The following MAGI1 variants were observed in gnomAD, a reference collection of about 807,000 sequenced individuals.
MAGI1 encodes the protein membrane associated guanylate kinase, WW and PDZ domain containing 1.
In MAGI1, 58 loss-of-function variants were observed where a neutral mutation model predicts 139.9. The observed-to-expected ratio is 0.41, with a 90% CI of 0.34 to 0.52. The LOEUF is 0.52. Ranked by LOEUF, MAGI1 falls within the 20% of genes least tolerant of loss-of-function variation. MAGI1 has a pLI of 0.12. For missense variants in MAGI1, 1,874 were observed against 1,901.6 expected (o/e 0.99, Z 0.27); for synonymous variants, 812 against 737.9 (o/e 1.10, Z -1.63).
chr3:65,676,650 T>C (rs574474539), intron 1 of MAGI1, among the ~76,000 whole-genome samples: 1 of 152,232 alleles, frequency 6.6e-6, no homozygotes, highest in Non-Finnish European at 1.5e-5. Flanking sequence ...GCAGAGTTCC[T>C]GGCTAATCCG....
intron 5 of MAGI1, among the ~76,000 whole-genome samples, chr3:65,468,084 A>G (rs1251827634): frequency 1.3e-5 from 2 of 152,206 alleles, no homozygotes; most frequent in Admixed American, 6.5e-5. Context: ...CTTTTTATAT[A>G]TATGTATAGA....
In MAGI1 at chr3:65,365,067, C is replaced by G. The variant is rs779999095; in HGVS notation, c.3197-121G>C. The G allele has an allele frequency of 8.4e-6, 7 of 829,262 alleles. No homozygotes were observed. In the South Asian group the frequency reaches 9.4e-5, roughly 11 times the overall value. 51.4% of individuals were successfully genotyped at this position (829,262 alleles called of 1,614,324 possible). The stretch of plus-strand genomic sequence containing the variant: ...GTGACTTCTCTGTCCCCATTTCAAG[C>G]AGTCTGACTTGAATTTCTAGACAAT... On this transcript the variant is annotated intron_variant, in intron 18 of 22. Coordinates refer to ENST00000402939, the MANE Select transcript of MAGI1 (RefSeq NM_001033057.2).
chr3:65,929,121 C>A (rs2062669943), intron 1 of MAGI1, among the ~76,000 whole-genome samples: 1 of 150,848 alleles, frequency 6.6e-6, no homozygotes, highest in South Asian at 2.1e-4. Context: ...GCCGGTGCAC[C>A]CCAGCCTGAG....
At chr3:65,367,330 G>T (rs1941527536) in intron 18 of MAGI1, among the ~76,000 whole-genome samples, 2 of 152,140 alleles carry the variant, frequency 1.3e-5, no homozygotes, top group South Asian at 4.1e-4. Flanking sequence ...AATTTGATGA[G>T]ATAATCACCC....
At chr3:65,556,902 C>T (rs553218522) in intron 2 of MAGI1, among the ~76,000 whole-genome samples, 1 of 152,306 alleles carries the variant, frequency 6.6e-6, no homozygotes, top group East Asian at 1.9e-4. Context: ...TGATTCCAGA[C>T]TTGTTCTGCT....
intron 1 of MAGI1, among the ~76,000 whole-genome samples, chr3:65,818,907 C>T (rs1412070069): frequency 1.3e-5 from 2 of 152,106 alleles, no homozygotes; most frequent in East Asian, 1.9e-4. Context: ...AGATCAATAA[C>T]GTTGATTGAA....
chr3:65,707,864 C>G (rs561247638), intron 1 of MAGI1, among the ~76,000 whole-genome samples: 48 of 152,192 alleles, frequency 3.2e-4, no homozygotes, highest in Non-Finnish European at 5.7e-4. Context: ...GAAAGCAAGC[C>G]AATAAAATTA....
At chr3:65,758,509 T>C (rs908988311) in intron 1 of MAGI1, among the ~76,000 whole-genome samples, 1 of 152,152 alleles carries the variant, frequency 6.6e-6, no homozygotes, top group African/African-American at 2.4e-5. Flanking sequence ...GTCTGCAGCA[T>C]ATTCATAATA....
chr3:65,816,295 C>A (rs1055215107), intron 1 of MAGI1, among the ~76,000 whole-genome samples: 1 of 151,848 alleles, frequency 6.6e-6, no homozygotes, highest in Non-Finnish European at 1.5e-5. Flanking sequence ...AAAAAAAACA[C>A]TTTCAGTGAT....
intron 2 of MAGI1, among the ~76,000 whole-genome samples, chr3:65,494,740 T>G: frequency 6.6e-6 from 1 of 152,354 alleles, no homozygotes; most frequent in Non-Finnish European, 1.5e-5. Flanking sequence ...GCGCTGAAGT[T>G]CTTAGCACTG....
At chr3:65,418,572 T>C (rs1946404604) in intron 12 of MAGI1, among the ~76,000 whole-genome samples, 1 of 152,158 alleles carries the variant, frequency 6.6e-6, no homozygotes, top group Non-Finnish European at 1.5e-5. Flanking sequence ...CCTTCTTAAA[T>C]ACTTCACTCC....
chr3:65,573,242 TC>T (rs2108079582), intron 2 of MAGI1, among the ~76,000 whole-genome samples: 1 of 152,046 alleles, frequency 6.6e-6, no homozygotes, highest in East Asian at 1.9e-4. Context: ...ATATTTAAAA[TC>T]ATTAGAACAA....
intron 1 of MAGI1, among the ~76,000 whole-genome samples, chr3:65,661,013 T>G: frequency 6.6e-6 from 1 of 152,210 alleles, no homozygotes; most frequent in East Asian, 1.9e-4. Flanking sequence ...AGATGAATAC[T>G]AATTTTCTAA....
chr3:65,536,913 G>A (rs977693953), intron 2 of MAGI1, among the ~76,000 whole-genome samples: 2 of 152,122 alleles, frequency 1.3e-5, no homozygotes, highest in African/African-American at 4.8e-5. Flanking sequence ...AACATGGTTT[G>A]GGTACCCAGA....
intron 1 of MAGI1, among the ~76,000 whole-genome samples, chr3:65,996,487 C>T (rs1329799898): frequency 2.8e-5 from 4 of 144,530 alleles, no homozygotes; most frequent in African/African-American, 7.8e-5. Context: ...AGTAAAAAGC[C>T]GTAATTTTCC....
intron 4 of MAGI1, among the ~76,000 whole-genome samples, chr3:65,475,923 A>T (rs1680469468): frequency 6.6e-6 from 1 of 152,154 alleles, no homozygotes. Context: ...TAGAAACAGC[A>T]GCAAGTTATT....
chr3:65,396,290 T>C (rs1944389365), intron 13 of MAGI1, among the ~76,000 whole-genome samples: 1 of 152,224 alleles, frequency 6.6e-6, no homozygotes, highest in Admixed American at 6.5e-5. Flanking sequence ...TTGCTGAGTC[T>C]CAATTCATAG....
At chr3:65,671,820 T>C (rs943548641) in intron 1 of MAGI1, among the ~76,000 whole-genome samples, 1 of 152,272 alleles carries the variant, frequency 6.6e-6, no homozygotes, top group Non-Finnish European at 1.5e-5. Context: ...CTTGACAGGC[T>C]TCTATTCACA....
At chr3:65,555,620 A>G (rs976637411) in intron 2 of MAGI1, among the ~76,000 whole-genome samples, 7 of 152,208 alleles carry the variant, frequency 4.6e-5, no homozygotes, top group African/African-American at 1.4e-4. Context: ...GCAATTTGCA[A>G]GGCCAAGGCT....
Sources: allele counts gnomAD v4.1 joint callset (sites outside exome capture counted in the v4.1 genomes callset), GRCh38; gene constraint gnomAD v4.1.1; transcripts MANE v1.5; gene names NCBI Gene and HGNC (gene_info 2026-07-23, HGNC 2026-07-21).